Variants in PARP15 observed in about 807,000 individuals in gnomAD.
PARP15 encodes protein mono-ADP-ribosyltransferase PARP15.
PARP15 carries 50 observed loss-of-function variants against 62.1 expected under a neutral mutation model. That is an observed-to-expected ratio of 0.81 (90% CI 0.64 to 1.02). The LOEUF (loss-of-function observed/expected upper bound fraction) is 1.02, where lower values mean the gene tolerates loss of function less well. PARP15 is among the 50% of genes least tolerant of loss of function. The pLI is 0.00. For missense variants in PARP15, 820 were observed against 826.5 expected (o/e 0.99, Z 0.10); for synonymous variants, 309 against 293.1 (o/e 1.05, Z -0.55).
At chr3:122,580,025 A>G (rs1436052232) in intron 1 of PARP15, among the ~76,000 whole-genome samples, 7 of 143,700 alleles carry the variant, frequency 4.9e-5, no homozygotes, top group Non-Finnish European at 9.1e-5. Context: ...ATATATATAT[A>G]TATATATATA....
At chr3:122,579,868 A>G (rs1360080206) in intron 1 of PARP15, among the ~76,000 whole-genome samples, 2 of 151,266 alleles carry the variant, frequency 1.3e-5, no homozygotes, top group East Asian at 3.9e-4. Context: ...AGTCCCAGCT[A>G]CTCAAGAGGC....
At chr3:122,600,111 T>C (rs1420778281) in intron 1 of PARP15, among the ~76,000 whole-genome samples, 2 of 152,244 alleles carry the variant, frequency 1.3e-5, no homozygotes, top group African/African-American at 4.8e-5. Flanking sequence ...AATGCCATTA[T>C]TAAATGTTAT....
chr3:122,589,059 G>T (rs956862830), intron 1 of PARP15, among the ~76,000 whole-genome samples: 5 of 152,140 alleles, frequency 3.3e-5, no homozygotes, highest in African/African-American at 1.2e-4. Flanking sequence ...GTCAGCTTGG[G>T]CTGCTGTATC....
intron 1 of PARP15, among the ~76,000 whole-genome samples, chr3:122,598,097 T>C (rs1303407861): frequency 3.3e-5 from 5 of 152,196 alleles, no homozygotes; most frequent in African/African-American, 1.2e-4. Flanking sequence ...ATATTGCTGG[T>C]ATAGTGGTTA....
chr3:122,589,571 T>C (rs1933708063), intron 1 of PARP15, among the ~76,000 whole-genome samples: 1 of 152,226 alleles, frequency 6.6e-6, no homozygotes, highest in South Asian at 2.1e-4. Context: ...TTAGTCATTC[T>C]AGTGGGGTGA....
At chr3:122,578,283 A>G (rs2080727356) in intron 1 of PARP15, among the ~76,000 whole-genome samples, 5 of 152,062 alleles carry the variant, frequency 3.3e-5, no homozygotes, top group Admixed American at 3.3e-4. Flanking sequence ...TCATATTTTA[A>G]TATATGACTT....
chr3:122,597,066 C>T (rs1038946234), intron 1 of PARP15, among the ~76,000 whole-genome samples: 6 of 152,270 alleles, frequency 3.9e-5, no homozygotes, highest in East Asian at 1.9e-4. Context: ...ATAGTTCTGG[C>T]GATTGGAAAG....
At chr3:122,604,534 T>C (rs138742335) in intron 1 of PARP15, among the ~76,000 whole-genome samples, 4 of 151,928 alleles carry the variant, frequency 2.6e-5, no homozygotes, top group Non-Finnish European at 5.9e-5. Flanking sequence ...CCTGGTCAAC[T>C]TGGTGAAACT....
intron 9 of PARP15, among the ~76,000 whole-genome samples, chr3:122,630,926 TG>T (rs1937026018): frequency 6.6e-6 from 1 of 152,028 alleles, no homozygotes; most frequent in Admixed American, 6.5e-5. Flanking sequence ...CCAGAAGTGG[TG>T]TTATATGTGT....
intron 1 of PARP15, chr3:122,594,675 T>C (rs1297452253): frequency 3.3e-6 from 3 of 922,034 alleles, no homozygotes; most frequent in Non-Finnish European, 3.9e-6. Flanking sequence ...TAAATCAAAT[T>C]ACTTTTAAAA....
chr3:122,615,713 C>T (rs1237958600), intron 4 of PARP15, 66 bp from the exon 5 acceptor site: 2 of 1,605,036 alleles, frequency 1.2e-6, no homozygotes, highest in South Asian at 2.2e-5. Context: ...ATGATCAATG[C>T]TCCAAAGAAT....
At chr3:122,616,765 C>T (rs1244608209) in intron 5 of PARP15, among the ~76,000 whole-genome samples, 1 of 152,212 alleles carries the variant, frequency 6.6e-6, no homozygotes, top group Non-Finnish European at 1.5e-5. Context: ...CTGACACTAT[C>T]GGATATTTCT....
At chr3:122,612,671 A>T (rs1029094617) in intron 3 of PARP15, among the ~76,000 whole-genome samples, 27 of 151,120 alleles carry the variant, frequency 1.8e-4, no homozygotes, top group African/African-American at 6.6e-4. Flanking sequence ...CGATCTCCTG[A>T]CCTCATTATC....
intron 8 of PARP15, among the ~76,000 whole-genome samples, chr3:122,624,247 A>G (rs932911325): frequency 6.6e-6 from 1 of 152,226 alleles, no homozygotes; most frequent in Admixed American, 6.5e-5. Context: ...GAATAGCTAC[A>G]TTAGTTGTAT....
intron 7 of PARP15, 109 bp from the exon 8 acceptor site, chr3:122,621,335 T>C: frequency 2.5e-6 from 3 of 1,187,014 alleles, no homozygotes; most frequent in Non-Finnish European, 3.5e-6. Context: ...CGAGTGAGAC[T>C]GGGCTTCACA....
Position 122,613,244 on chromosome 3 carries a change from T to C in PARP15, c.747T>C (p.Tyr249=), listed in dbSNP as rs766249059. The change falls in exon 4 of 12, where the codon TAT becomes TAC. Residue 249 remains tyrosine, a synonymous_variant. Coordinates refer to ENST00000464300, the MANE Select transcript of PARP15 (RefSeq NM_001113523.3). Reference sequence around the variant, plus strand: ...TACAAGAAGTCCACTTTCTGGTATATACAAATGACGATGAAGGCTGTCAGG... The same window carrying C: ...TACAAGAAGTCCACTTTCTGGTATACACAAATGACGATGAAGGCTGTCAGG... The part of the protein sequence containing the change: ...SPLQEVHFLV[Y]TNDDEGCQAF... The C allele has an allele frequency of 1.3e-6, 2 of 1,549,728 alleles. No individual in the cohort carries two copies. Among genetic ancestry groups the C allele is most frequent in the South Asian group, 2.4e-5 (2 of 84,022 alleles).
chr3:122,592,399 T>G (rs1933994611), intron 1 of PARP15, among the ~76,000 whole-genome samples: 1 of 151,756 alleles, frequency 6.6e-6, no homozygotes, highest in African/African-American at 2.4e-5. Flanking sequence ...TGAGAACACA[T>G]GAATACAGGG....
Position 122,601,348 on chromosome 3 carries a change from T to C in PARP15, c.187-4588T>C, listed in dbSNP as rs114977280. Among the ~76,000 whole-genome samples the C allele has an allele frequency of 5.2e-3, 790 of 152,290 alleles. 7 individuals carry two copies. The highest frequency in any genetic ancestry group is 0.018 in the African/African-American group (749 of 41,566). On this transcript the variant is annotated intron_variant, in intron 1 of 11. Transcript: ENST00000464300. ...TGTTTTTGACAAATGCATAATGTCA[T>C]GTGTCCACCATTGCAATATCATACA...
chr3:122,605,177 C>T (rs1037368754), intron 1 of PARP15, among the ~76,000 whole-genome samples: 1 of 152,144 alleles, frequency 6.6e-6, no homozygotes, highest in Non-Finnish European at 1.5e-5. Context: ...TTTATACCAG[C>T]TCCTGTCAAT....
Sources: allele counts gnomAD v4.1 joint callset (sites outside exome capture counted in the v4.1 genomes callset), GRCh38; gene constraint gnomAD v4.1.1; transcripts MANE v1.5; gene names NCBI Gene and HGNC (gene_info 2026-07-23, HGNC 2026-07-21).